Variants in ANAPC15 observed in about 807,000 individuals in gnomAD.
ANAPC15 encodes anaphase-promoting complex subunit 15.
A neutral mutation model predicts 19.8 loss-of-function variants in ANAPC15; 13 were observed. That is an observed-to-expected ratio of 0.66 (90% CI 0.43 to 1.04). ANAPC15 has a LOEUF of 1.04. ANAPC15 is among the 50% of genes least tolerant of loss of function. The probability of loss-of-function intolerance (pLI) is 0.00; values close to 1 mark genes in which losing one functional copy is unlikely to be tolerated. For missense variants in ANAPC15, 88 were observed against 150.3 expected (o/e 0.59, Z 2.17); for synonymous variants, 45 against 50.7 (o/e 0.89, Z 0.47).
Position 72,109,721 on chromosome 11 carries a change from G to C in ANAPC15, c.*160C>G. On this transcript the variant is annotated 3_prime_UTR_variant, in exon 6 of 6. Coordinates refer to ENST00000227618, the MANE Select transcript of ANAPC15 (RefSeq NM_014042.3). ...AAGTGCAGACTGATGGCCTGGGAGG[G>C]GCCAAAGAGACCAGATCCTGGCAGC... 1 of 827,506 alleles carries C rather than the reference G, an allele frequency of 1.2e-6. No homozygotes were observed. Among genetic ancestry groups the C allele is most frequent in the East Asian group, 2.6e-5 (1 of 38,880 alleles). The allele number at this position is 827,506 out of a possible 1,614,324, so 51.3% of individuals were successfully genotyped here.
chr11:72,112,605 A>C, intron 1 of ANAPC15, 45 bp downstream of exon 1: 1 of 451,788 alleles, frequency 2.2e-6, no homozygotes, highest in Non-Finnish European at 4.4e-6. Flanking sequence ...GGGAAAAAGG[A>C]ATGAAGGGGC....
At position 72,110,837 on chromosome 11, in the gene ANAPC15, G is replaced by A. The variant is rs543976625; in HGVS notation, c.121-234C>T. ...TATAATTATGGTGAGGATGAAGTGA[G>A]AGACTTATCAGCCTAGAAAGCATCA... is the stretch of plus-strand genomic sequence containing the variant. On this transcript the variant is annotated intron_variant, in intron 3 of 5. Transcript: ENST00000227618. The A allele has an allele frequency of 2.2e-5, 13 of 584,330 alleles. No homozygotes were observed. In the East Asian group the frequency reaches 3.7e-4, roughly 17 times the overall value. The allele number at this position is 584,330 out of a possible 1,614,324, so 36.2% of individuals were successfully genotyped here. A position where few individuals can be genotyped will look rare whatever the true frequency, so the allele number is the denominator to read the frequency against.
downstream of ANAPC15, chr11:72,108,471 G>C: frequency 1.4e-6 from 1 of 727,434 alleles, no homozygotes; most frequent in South Asian, 2.5e-5. Context: ...TAGGTTCTGA[G>C]GTCAGAGGAA....
At position 72,109,829 on chromosome 11, in the gene ANAPC15, G is replaced by A; in HGVS notation, c.*52C>T. On this transcript the variant is annotated 3_prime_UTR_variant, in exon 6 of 6. Transcript: ENST00000227618. ...GGCAGGGGTTGGGGGTTGGGATGCA[G>A]GGTAGTTTGGGCTGGCCTGGAATCT... 1 of 1,607,540 alleles carries A rather than the reference G, an allele frequency of 6.2e-7. No homozygotes were observed. Among genetic ancestry groups the A allele is most frequent in the Admixed American group, 1.7e-5 (1 of 60,022 alleles).
downstream of ANAPC15, chr11:72,107,710 G>A: frequency 3.2e-6 from 2 of 620,518 alleles, no homozygotes; most frequent in Non-Finnish European, 5.7e-6. Flanking sequence ...GGAGTAATAA[G>A]GTCAGATTTG....
chr11:72,109,123 C>G (rs988688218), downstream of ANAPC15: 2 of 588,218 alleles, frequency 3.4e-6, no homozygotes, highest in Admixed American at 3.0e-5. Context: ...CTTGGTCTCA[C>G]TAGGCCCCCT....
At chr11:72,112,556 C>G (rs952409928) in intron 1 of ANAPC15, 94 bp downstream of exon 1, 4 of 415,842 alleles carry the variant, frequency 9.6e-6, no homozygotes, top group African/African-American at 8.3e-5. Context: ...CAATATGGAG[C>G]TCCTGGGGAG....
chr11:72,109,077 C>G, downstream of ANAPC15: 1 of 656,816 alleles, frequency 1.5e-6, no homozygotes, highest in Non-Finnish European at 2.6e-6. Flanking sequence ...CTTTCAGCCT[C>G]TACACTGACC....
At chr11:72,107,870 G>T, downstream of ANAPC15, 1 of 1,540,392 alleles carries the variant, frequency 6.5e-7, no homozygotes, top group Non-Finnish European at 8.8e-7. Context: ...TCTTTTATCA[G>T]GGGCCCTGCA....
downstream of ANAPC15, chr11:72,107,253 CA>C (rs1945777405): frequency 1.7e-6 from 1 of 596,908 alleles, no homozygotes; most frequent in Non-Finnish European, 3.0e-6. Flanking sequence ...GGCAACACAG[CA>C]AGACTTGGTC....
chr11:72,110,930 T>G, intron 3 of ANAPC15: 1 of 581,058 alleles, frequency 1.7e-6, no homozygotes, highest in South Asian at 2.2e-5. Flanking sequence ...TTGGGCTGAG[T>G]GTCAGCAGCC....
Position 72,109,809 on chromosome 11 carries a change from G to A in ANAPC15, c.*72C>T. 6.3e-7 allele frequency: 1 copy of A among 1,584,636 alleles called. No individual in the cohort carries two copies. The highest frequency in any genetic ancestry group is 8.7e-7 in the Non-Finnish European group (1 of 1,155,040). On this transcript the variant is annotated 3_prime_UTR_variant, in exon 6 of 6. Coordinates refer to ENST00000227618, the MANE Select transcript of ANAPC15 (RefSeq NM_014042.3). The stretch of plus-strand genomic sequence containing the variant: ...GGCCATCAGCTGGTTCTGTGGGCAG[G>A]GGTTGGGGGTTGGGATGCAGGGTAG...
At chr11:72,109,486 A>G (rs1431942801), downstream of ANAPC15, 2 of 386,506 alleles carry the variant, frequency 5.2e-6, no homozygotes, top group Admixed American at 6.8e-5. Context: ...CACCTAGCCA[A>G]TTAGGTGTGG....
chr11:72,109,362 T>C (rs766985557), downstream of ANAPC15: 193 of 463,190 alleles, frequency 4.2e-4, no homozygotes, highest in Non-Finnish European at 6.5e-4. Context: ...TCAGAGGAAG[T>C]GGCAATGAGT....
chr11:72,108,178 T>A (rs1252703020), downstream of ANAPC15: 2 of 1,414,546 alleles, frequency 1.4e-6, no homozygotes, highest in African/African-American at 2.9e-5. Context: ...CCCCCAGACA[T>A]CCCTTGTGAA....
chr11:72,108,725 C>T, downstream of ANAPC15: 2 of 1,550,068 alleles, frequency 1.3e-6, no homozygotes, highest in Non-Finnish European at 1.7e-6. Context: ...GAGGGACCTG[C>T]AGCTGCTGGA....
chr11:72,107,286 TTCA>T, downstream of ANAPC15: 1 of 601,946 alleles, frequency 1.7e-6, no homozygotes, highest in Non-Finnish European at 3.0e-6. Flanking sequence ...TAAATAAAAG[TTCA>T]TCCAATTCCA....
chr11:72,112,460 T>C (rs1412347513), intron 1 of ANAPC15, 190 bp downstream of exon 1: 5 of 271,108 alleles, frequency 1.8e-5, no homozygotes, highest in South Asian at 1.5e-4. Flanking sequence ...GTGACACCAA[T>C]GAATGACGGA....
At chr11:72,109,023 C>T (rs1187228655), downstream of ANAPC15, 4 of 1,086,834 alleles carry the variant, frequency 3.7e-6, no homozygotes, top group African/African-American at 4.8e-5. Flanking sequence ...CCTTGACACA[C>T]GCTGGGCTCA....
Sources: gnomAD v4.1 joint callset for allele counts on GRCh38, gnomAD v4.1.1 for gene constraint, MANE v1.5 for transcripts, NCBI Gene and HGNC (gene_info 2026-07-23, HGNC 2026-07-21) for gene names.